The following HUWE1 variants were observed in gnomAD, a reference collection of about 807,000 sequenced individuals.
The protein encoded by HUWE1 is E3 ubiquitin-protein ligase HUWE1.
A neutral mutation model predicts 299.4 loss-of-function variants in HUWE1; 18 were observed. That is an observed-to-expected ratio of 0.06 (90% CI 0.04 to 0.09). The LOEUF is 0.09. Ranked by LOEUF, HUWE1 falls within the 10% of genes least tolerant of loss-of-function variation. The pLI, the probability that HUWE1 is intolerant of heterozygous loss-of-function variation, is 1.00. For synonymous variants in HUWE1, 1,317 were observed against 1,286.1 expected, an observed-to-expected ratio of 1.02 and a Z score of -0.51; for missense variants, 1,832 against 3,462.3, an observed-to-expected ratio of 0.53 and a Z score of 11.82.
Position 53,608,908 on chromosome X carries a change from C to A in HUWE1, c.2263G>T (p.Val755Phe). The change falls in exon 24 of 84, where the codon GTT becomes TTT. Residue 755 changes from valine (V) to phenylalanine (F), a missense_variant and splice_region_variant. Coordinates refer to ENST00000262854, the MANE Select transcript of HUWE1 (RefSeq NM_031407.7). ...QQNETEPNQQ[V>F]VGTEERIPIP... Reference sequence around the variant, plus strand: ...GGAATACGTTCCTCTGTACCAACAACCCTGTTAGGGGAGAAAAGAGTGAGT... The same window carrying A: ...GGAATACGTTCCTCTGTACCAACAAACCTGTTAGGGGAGAAAAGAGTGAGT... The A allele has an allele frequency of 1.8e-6, 2 of 1,126,261 alleles. No individual in the cohort carries two copies. Among genetic ancestry groups the A allele is most frequent in the South Asian group, 3.6e-5 (2 of 55,073 alleles). The allele number at this position is 1,126,261 out of a possible 1,213,427, so 92.8% of individuals were successfully genotyped here.
intron 6 of HUWE1, among the ~76,000 whole-genome samples, chrX:53,645,993 G>A (rs1051509943): frequency 9.1e-6 from 1 of 109,688 alleles, no homozygotes; most frequent in Non-Finnish European, 1.9e-5. Context: ...GATATTTTAT[G>A]TTCTCTTCTG....
Position 53,616,991 on chromosome X carries a change from T to C in HUWE1, c.1936A>G (p.Arg646Gly). The stretch of plus-strand genomic sequence containing the variant: ...TTACCAAGGGGATCAGAACTTCTCC[T>C]CCTCCGCATGGCTGGGAGGTAATCT... Reference protein sequence around the residue: ...SPDYLPAMRRRRSSDPLGDTA... With the variant: ...SPDYLPAMRRGRSSDPLGDTA... The change falls in exon 21 of 84, where the codon AGG (arginine) becomes GGG (glycine). Residue 646 changes from arginine to glycine, a missense_variant. Arg to Gly is a moderately radical substitution (Grantham distance 125). This residue lies in a region of HUWE1 where 658 missense variants were observed against 1,282.6 expected (regional missense o/e 0.51). Coordinates refer to ENST00000262854, the MANE Select transcript of HUWE1 (RefSeq NM_031407.7). The C allele has an allele frequency of 8.3e-7, 1 of 1,209,956 alleles. No homozygotes were observed. Among genetic ancestry groups the C allele is most frequent in the Non-Finnish European group, 1.1e-6 (1 of 894,115 alleles).
In HUWE1 at chrX:53,586,532, T is replaced by G. The variant is rs2063867338; in HGVS notation, c.4782A>C (p.Glu1594Asp). 1 of 1,206,034 alleles carries G rather than the reference T, an allele frequency of 8.3e-7. No homozygotes were observed. Among genetic ancestry groups the G allele is most frequent in the Admixed American group, 2.2e-5 (1 of 45,721 alleles). Residue 1594 changes from glutamate (E) to aspartate (D), a missense_variant, in exon 39 of 84, where the codon GAA (glutamate) becomes GAC (aspartate). By Grantham distance (45) the Glu-to-Asp change is conservative. This residue lies in a region of HUWE1 where 658 missense variants were observed against 1,282.6 expected (regional missense o/e 0.51). Coordinates refer to ENST00000262854, the MANE Select transcript of HUWE1 (RefSeq NM_031407.7). ...TPVLLLIDFY[E>D]KTAISSKRRA... ...TCCTTTTTGAGGAGATGGCTGTCTTTTCATAGAAATCAATCAGGAGCAACA... is the reference window on the plus strand; with the variant it reads ...TCCTTTTTGAGGAGATGGCTGTCTTGTCATAGAAATCAATCAGGAGCAACA...
chrX:53,650,770 T>C (rs2068409131), intron 4 of HUWE1, among the ~76,000 whole-genome samples: 1 of 111,407 alleles, frequency 9.0e-6, no homozygotes. Context: ...GGGGCAATCA[T>C]GTATGCTGCT....
rs782170822 is a variant in HUWE1 at position 53,600,049 on chromosome X, C to T, written c.3163+69G>A. 5 of 990,456 alleles carry T rather than the reference C, an allele frequency of 5.0e-6. No individual in the cohort carries two copies. The Admixed American group carries it at 6.6e-5, about 13-fold the overall frequency. 81.6% of individuals were successfully genotyped at this position (990,456 alleles called of 1,213,427 possible). The stretch of plus-strand genomic sequence containing the variant: ...CCTTAGGTGAAACAACATAGCCTTT[C>T]CAACTCAATCTGTTTCAAGACTAAG... On this transcript the variant is annotated intron_variant, in intron 29 of 83. Coordinates refer to ENST00000262854, the MANE Select transcript of HUWE1 (RefSeq NM_031407.7).
At chrX:53,672,626 T>C (rs1332389931) in intron 3 of HUWE1, among the ~76,000 whole-genome samples, 2 of 111,329 alleles carry the variant, frequency 1.8e-5, no homozygotes, top group African/African-American at 6.5e-5. Context: ...TTACTTCTAA[T>C]GTTGAGAAAA....
chrX:53,626,823 C>T (rs1219488489), intron 17 of HUWE1, among the ~76,000 whole-genome samples: 1 of 111,594 alleles, frequency 9.0e-6, no homozygotes, highest in African/African-American at 3.3e-5. Flanking sequence ...CATGCCACCC[C>T]ACCCGGCTAA....
At chrX:53,539,338 AAAAAAAG>A (rs1329884758) in intron 75 of HUWE1, among the ~76,000 whole-genome samples, 1 of 106,348 alleles carries the variant, frequency 9.4e-6, no homozygotes, top group Non-Finnish European at 1.9e-5. Context: ...AAAAAAAAAA[AAAAAAAG>A]AAACAATGAG....
intron 80 of HUWE1, 165 bp downstream of exon 80, chrX:53,535,982 T>C: frequency 2.5e-6 from 1 of 401,810 alleles, no homozygotes; most frequent in East Asian, 4.4e-5. Context: ...CAAATTCTGG[T>C]TTTCCTGTTT....
intron 65 of HUWE1, 48 bp downstream of exon 65, chrX:53,550,853 C>A (rs782359348): frequency 5.3e-5 from 64 of 1,200,149 alleles, no homozygotes; most frequent in Non-Finnish European, 7.1e-5. Flanking sequence ...AACATAGCCT[C>A]ATCTGGCTAA....
intron 60 of HUWE1, 107 bp from the exon 61 acceptor site, chrX:53,555,027 G>C: frequency 1.7e-6 from 1 of 572,653 alleles, no homozygotes; most frequent in East Asian, 3.6e-5. Context: ...CCCAGCCAGT[G>C]ATCATCCCCA....
intron 41 of HUWE1, 61 bp downstream of exon 41, chrX:53,584,119 ATGAAAT>A: frequency 9.7e-7 from 1 of 1,031,796 alleles, no homozygotes; most frequent in South Asian, 1.9e-5. Flanking sequence ...ATAACTCACA[ATGAAAT>A]TGGCCAGACC....
intron 29 of HUWE1, among the ~76,000 whole-genome samples, chrX:53,596,050 T>C (rs1299623618): frequency 8.9e-6 from 1 of 112,691 alleles, no homozygotes; most frequent in Non-Finnish European, 1.9e-5. Flanking sequence ...CATGTGTTTT[T>C]ATATTTCTAC....
At chrX:53,595,051 T>C (rs782662942) in intron 30 of HUWE1, 136 bp downstream of exon 30, 1 of 526,681 alleles carries the variant, frequency 1.9e-6, no homozygotes, top group Non-Finnish European at 3.2e-6. Context: ...TAACTTACAC[T>C]TCATTTTCTA....
intron 40 of HUWE1, 95 bp downstream of exon 40, chrX:53,584,917 C>T (rs892360549): frequency 1.0e-5 from 10 of 959,917 alleles, no homozygotes; most frequent in Admixed American, 4.4e-5. Flanking sequence ...ACAAAAAAAC[C>T]TCAATGTGTG....
intron 73 of HUWE1, among the ~76,000 whole-genome samples, chrX:53,543,467 G>A (rs782646898): frequency 9.0e-6 from 1 of 110,687 alleles, no homozygotes; most frequent in South Asian, 3.9e-4. Flanking sequence ...CCAAGCTTGG[G>A]GGACTTTCAA....
chrX:53,567,657 C>T (rs1556947026), intron 49 of HUWE1, among the ~76,000 whole-genome samples: 1 of 111,861 alleles, frequency 8.9e-6, no homozygotes, highest in Non-Finnish European at 1.9e-5. Flanking sequence ...AATTAGAAAG[C>T]TTTTATTCAT....
At chrX:53,667,042 A>G (rs1258660117) in intron 3 of HUWE1, among the ~76,000 whole-genome samples, 2 of 112,015 alleles carry the variant, frequency 1.8e-5, no homozygotes, top group Non-Finnish European at 3.8e-5. Flanking sequence ...TCAGATAGCC[A>G]GGTGTACAGA....
chrX:53,580,908 C>T lies in HUWE1; in HGVS notation c.5639G>A (p.Arg1880His), dbSNP rs782092333. The T allele has an allele frequency of 1.1e-5, 13 of 1,210,988 alleles. No homozygotes were observed. The highest frequency in any genetic ancestry group is 3.0e-5 in the East Asian group (1 of 33,830). ...ILRVLGPAACRNPDIFTEVAN... is the reference protein window; with the variant it reads ...ILRVLGPAACHNPDIFTEVAN... ...CACTTCTGTGAATATGTCTGGATTG[C>T]GGCATGCGGCTGGCCCAAGGACACG... The change falls in exon 43 of 84, where the codon CGC becomes CAC. Residue 1880 changes from arginine (R) to histidine (H), a missense_variant. This residue lies in a region of HUWE1 where 47 missense variants were observed against 45.8 expected (regional missense o/e 1.03). Coordinates refer to ENST00000262854, the MANE Select transcript of HUWE1 (RefSeq NM_031407.7).
Sources: allele counts gnomAD v4.1 joint callset (sites outside exome capture counted in the v4.1 genomes callset), GRCh38; gene constraint gnomAD v4.1.1; regional missense constraint gnomAD v4.1.1; transcripts MANE v1.5; gene names NCBI Gene and HGNC (gene_info 2026-07-23, HGNC 2026-07-21).